The following XRCC1 variants were observed in gnomAD, a reference collection of about 807,000 sequenced individuals.
The protein encoded by XRCC1 is DNA repair protein XRCC1.
A neutral mutation model predicts 83.3 loss-of-function variants in XRCC1; 52 were observed. That is an observed-to-expected ratio of 0.62 (90% CI 0.50 to 0.79). The LOEUF is 0.79. Among genes scored for constraint, XRCC1 ranks in the 30% least tolerant of loss-of-function variants. XRCC1 has a pLI of 0.00. For missense variants in XRCC1, 793 were observed against 823.5 expected (o/e 0.96, Z 0.45); for synonymous variants, 281 against 312.6 (o/e 0.90, Z 1.07).
At chr19:43,563,895 AAG>A (rs1384269385) in intron 2 of XRCC1, among the ~76,000 whole-genome samples, 1 of 152,142 alleles carries the variant, frequency 6.6e-6, no homozygotes, top group Non-Finnish European at 1.5e-5. Flanking sequence ...CCAGACTTTT[AAG>A]CTCCACAAGA....
chr19:43,545,574 T>C (rs192502088), intron 14 of XRCC1, among the ~76,000 whole-genome samples: 26 of 152,118 alleles, frequency 1.7e-4, no homozygotes, highest in African/African-American at 5.8e-4. Flanking sequence ...GGCACATGGC[T>C]GCGAGGGGAG....
intron 2 of XRCC1, among the ~76,000 whole-genome samples, chr19:43,567,430 G>A (rs1972764755): frequency 6.6e-6 from 1 of 152,086 alleles, no homozygotes; most frequent in African/African-American, 2.4e-5. Flanking sequence ...TCTTGCCTCA[G>A]CCTCCCGAAT....
At chr19:43,572,934 T>C (rs971937026) in intron 2 of XRCC1, among the ~76,000 whole-genome samples, 8 of 142,938 alleles carry the variant, frequency 5.6e-5, no homozygotes, top group Non-Finnish European at 1.2e-4. Flanking sequence ...TTTCTTTTTT[T>C]TTTTTTTTTT....
chr19:43,544,094 GT>G (rs1568510333), intron 15 of XRCC1, 49 bp downstream of exon 15: 42 of 1,505,506 alleles, frequency 2.8e-5, no homozygotes, highest in Non-Finnish European at 3.8e-5. Flanking sequence ...GTCCCTGAGC[GT>G]TCCCTTGGAT....
chr19:43,552,958 C>T lies in XRCC1; in HGVS notation c.711+24G>A, dbSNP rs1398190700. 4.4e-6 allele frequency: 7 copies of T among 1,608,360 alleles called. No individual in the cohort carries two copies. The East Asian group carries it at 1.1e-4, about 26-fold the overall frequency. ...GCCTCCAGCTTCTCTCCTCCTCCAC[C>T]CCACCAAAGTCTGATGATTTCACCT... On this transcript the variant is annotated intron_variant, in intron 7 of 16. Transcript: ENST00000262887.
intron 2 of XRCC1, among the ~76,000 whole-genome samples, chr19:43,568,818 T>A (rs1355852757): frequency 1.4e-5 from 2 of 147,638 alleles, no homozygotes; most frequent in African/African-American, 5.0e-5. Context: ...GAGATTTTCT[T>A]TTTAGTGTAT....
At chr19:43,575,048 G>A (rs777446098) in intron 1 of XRCC1, 46 bp from the exon 2 acceptor site, 2 of 1,484,968 alleles carry the variant, frequency 1.3e-6, no homozygotes, top group Non-Finnish European at 1.9e-6. Context: ...AGAGATGACA[G>A]CTAGGCCTCC....
chr19:43,544,185 G>A lies in XRCC1; in HGVS notation c.1671C>T (p.Asp557=), dbSNP rs779452320. 12 of 1,610,814 alleles carry A rather than the reference G, an allele frequency of 7.4e-6. No homozygotes were observed. Among genetic ancestry groups the A allele is most frequent in the Non-Finnish European group, 1.0e-5 (12 of 1,178,728 alleles). ...CGTATCGGATGAGTTTCCGCCGCTC[G>A]TCCCCAGGGAACTCCCCGTAAAGAA... is the stretch of plus-strand genomic sequence containing the variant. ...HFFLYGEFPG[D]ERRKLIRYVT... The change falls in exon 15 of 17, where the codon GAC becomes GAT. Residue 557 remains aspartate, a synonymous_variant. Transcript: ENST00000262887.
At chr19:43,549,877 CTGTT>C (rs1156948705) in intron 10 of XRCC1, among the ~76,000 whole-genome samples, 2 of 152,122 alleles carry the variant, frequency 1.3e-5, no homozygotes, top group East Asian at 1.9e-4. Context: ...AAATCCAACA[CTGTT>C]TGTCTTTTTC....
At chr19:43,547,034 C>T (rs1972520029) in intron 10 of XRCC1, 57 bp from the exon 11 acceptor site, 1 of 1,517,526 alleles carries the variant, frequency 6.6e-7, no homozygotes, top group African/African-American at 1.4e-5. Context: ...GGAGGGCGTT[C>T]AGGAGGCAAC....
At position 43,552,035 on chromosome 19, in the gene XRCC1, C is replaced by T. The variant is rs529272499; in HGVS notation, c.1064G>A (p.Arg355Gln). The T allele has an allele frequency of 1.1e-5, 17 of 1,614,020 alleles. No homozygotes were observed. Among genetic ancestry groups the T allele is most frequent in the East Asian group, 6.7e-5 (3 of 44,880 alleles). ...AGCCTACATGAGGTGCGTGCTGTCC[C>T]GGGTCCAGTCTGGCCGATACTTGGC... ...LGAKYRPDWT[R>Q]DSTHLICAFA... Residue 355 changes from arginine (R) to glutamine (Q), a missense_variant, in exon 9 of 17, where the codon CGG becomes CAG. By Grantham distance (43) the Arg-to-Gln change is conservative. Transcript: ENST00000262887.
At position 43,561,034 on chromosome 19, in the gene XRCC1, G is replaced by T. The variant is rs372185525; in HGVS notation, c.145-14C>A. 1 of 1,602,124 alleles carries T rather than the reference G, an allele frequency of 6.2e-7. No homozygotes were observed. Among genetic ancestry groups the T allele is most frequent in the South Asian group, 1.1e-5 (1 of 90,874 alleles). On this transcript the variant is annotated splice_polypyrimidine_tract_variant and intron_variant, in intron 2 of 16. Transcript: ENST00000262887. ...CTCCTTCTCCAACTGTGGGCAGAGA[G>T]AGAGGCCACTGTCAGTGCCTGCTCT...
At chr19:43,547,263 T>A (rs1363418524) in intron 10 of XRCC1, among the ~76,000 whole-genome samples, 2 of 151,810 alleles carry the variant, frequency 1.3e-5, no homozygotes, top group Non-Finnish European at 2.9e-5. Context: ...CTCGGCTCAC[T>A]GCAATCTCTG....
Position 43,573,981 on chromosome 19 carries a change from G to A in XRCC1, c.144+929C>T, listed in dbSNP as rs1379023327. 2.0e-5 allele frequency among the ~76,000 whole-genome samples: 3 copies of A among 152,218 alleles called. No individual in the cohort carries two copies. The East Asian group carries it at 5.8e-4, about 29-fold the overall frequency. On this transcript the variant is annotated intron_variant, in intron 2 of 16. Coordinates refer to ENST00000262887, the MANE Select transcript of XRCC1 (RefSeq NM_006297.3). ...GGGATAACAGAGCCTGCCTCTTGGGGTTTTTTATGAGGACTCAATGAGCTA... is the reference window on the plus strand; with the variant it reads ...GGGATAACAGAGCCTGCCTCTTGGGATTTTTTATGAGGACTCAATGAGCTA...
At chr19:43,572,702 T>C (rs931322134) in intron 2 of XRCC1, among the ~76,000 whole-genome samples, 1 of 152,132 alleles carries the variant, frequency 6.6e-6, no homozygotes, top group Non-Finnish European at 1.5e-5. Context: ...TAGCCAGGCA[T>C]GTAAATTCCA....
intron 2 of XRCC1, 107 bp from the exon 3 acceptor site, chr19:43,561,127 T>G: frequency 2.3e-6 from 2 of 884,692 alleles, no homozygotes; most frequent in Middle Eastern, 2.2e-4. Flanking sequence ...GTAATGTCAA[T>G]TCTGTGAGGG....
intron 2 of XRCC1, among the ~76,000 whole-genome samples, chr19:43,567,667 A>C (rs973936548): frequency 1.3e-5 from 2 of 152,186 alleles, no homozygotes; most frequent in Middle Eastern, 3.4e-3. Flanking sequence ...TTTTCTCAAA[A>C]TAAGAGATGA....
At chr19:43,553,877 G>A (rs1972608467) in intron 4 of XRCC1, 194 bp from the exon 5 acceptor site, 3 of 515,018 alleles carry the variant, frequency 5.8e-6, no homozygotes, top group African/African-American at 1.9e-5. Flanking sequence ...CTCTGAGTCT[G>A]GCTCCAAGCC....
In XRCC1 at chr19:43,575,444, G is replaced by A. The variant is rs1235253539; in HGVS notation, c.15C>T (p.Arg5=). MPEI[R]LRHVVSCSSQ... ...TGCTGCAGGACACGACATGGCGGAGGCGGATCTCCGGCATGTCAACGTCGT... is the reference window on the plus strand; with the variant it reads ...TGCTGCAGGACACGACATGGCGGAGACGGATCTCCGGCATGTCAACGTCGT... The change falls in exon 1 of 17, where the codon CGC becomes CGT. Residue 5 remains arginine (R), a synonymous_variant. Coordinates refer to ENST00000262887, the MANE Select transcript of XRCC1 (RefSeq NM_006297.3). 7 of 1,612,424 alleles carry A rather than the reference G, an allele frequency of 4.3e-6. No homozygotes were observed. Among genetic ancestry groups the A allele is most frequent in the East Asian group, 4.5e-5 (2 of 44,808 alleles).
Sources: allele counts gnomAD v4.1 joint callset (sites outside exome capture counted in the v4.1 genomes callset), GRCh38; gene constraint gnomAD v4.1.1; transcripts MANE v1.5; gene names NCBI Gene and HGNC (gene_info 2026-07-23, HGNC 2026-07-21).